The following GRM5 variants were observed in gnomAD, a reference collection of about 807,000 sequenced individuals.
GRM5 encodes metabotropic glutamate receptor 5.
Under a neutral mutation model 83.1 loss-of-function variants are expected in GRM5, and 19 were observed. The ratio of observed to expected loss-of-function variants is 0.23; its 90% CI spans 0.16 to 0.34. The LOEUF (loss-of-function observed/expected upper bound fraction) is 0.34, where lower values mean the gene tolerates loss of function less well. Among genes scored for constraint, GRM5 ranks in the 10% least tolerant of loss-of-function variants. The pLI is 1.00. For missense variants in GRM5, 1,160 were observed against 1,588.3 expected (o/e 0.73, Z 4.58); for synonymous variants, 675 against 633.6 (o/e 1.07, Z -0.98).
rs138348153 is a variant in GRM5 at position 88,664,607 on chromosome 11, C to T, written c.912-11204G>A. Among the ~76,000 whole-genome samples, 742 of 151,950 alleles carry T rather than the reference C, an allele frequency of 4.9e-3. 10 individuals are homozygous for T. The highest frequency in any genetic ancestry group is 0.017 in the African/African-American group (708 of 41,466). Reference sequence around the variant, plus strand: ...GACTACGGGTGTGCACCACCATGCCCGGCTAATTTTTGTATTTTTAGTTGT... The same window carrying T: ...GACTACGGGTGTGCACCACCATGCCTGGCTAATTTTTGTATTTTTAGTTGT... On this transcript the variant is annotated intron_variant, in intron 3 of 9. Coordinates refer to ENST00000305447, the MANE Select transcript of GRM5 (RefSeq NM_001143831.3).
At chr11:89,021,145 GA>G (rs1196536585) in intron 2 of GRM5, among the ~76,000 whole-genome samples, 3 of 151,760 alleles carry the variant, frequency 2.0e-5, no homozygotes, top group Non-Finnish European at 2.9e-5. Context: ...TGAAGCTAAT[GA>G]AAAAAAGAAC....
chr11:88,781,658 C>T (rs1382656213), intron 3 of GRM5, among the ~76,000 whole-genome samples: 1 of 152,198 alleles, frequency 6.6e-6, no homozygotes, highest in Non-Finnish European at 1.5e-5. Context: ...TTAGCTTGTT[C>T]TGCTGCTCTG....
intron 2 of GRM5, among the ~76,000 whole-genome samples, chr11:89,022,549 G>A (rs1381423407): frequency 1.3e-5 from 2 of 151,972 alleles, no homozygotes; most frequent in African/African-American, 2.4e-5. Context: ...CTACTCAGGA[G>A]GCAGAGGTAG....
chr11:88,662,122 T>C (rs1939922642), intron 3 of GRM5, among the ~76,000 whole-genome samples: 1 of 152,146 alleles, frequency 6.6e-6, no homozygotes, highest in Non-Finnish European at 1.5e-5. Context: ...ATTTCCACTG[T>C]ATGACTTTTT....
chr11:88,511,467 GTCTT>G (rs1941366833), intron 9 of GRM5, among the ~76,000 whole-genome samples: 1 of 152,178 alleles, frequency 6.6e-6, no homozygotes, highest in Admixed American at 6.5e-5. Flanking sequence ...CTACTTCATG[GTCTT>G]TCTTTCTCCG....
chr11:88,915,640 G>A (rs1487957302), intron 2 of GRM5, among the ~76,000 whole-genome samples: 3 of 152,030 alleles, frequency 2.0e-5, no homozygotes, highest in Non-Finnish European at 4.4e-5. Flanking sequence ...TAATACTTAT[G>A]TGACAGGCTT....
chr11:88,992,786 G>C (rs558830472), intron 2 of GRM5, among the ~76,000 whole-genome samples: 1 of 148,804 alleles, frequency 6.7e-6, no homozygotes, highest in African/African-American at 2.5e-5. Flanking sequence ...CAAGCACCAC[G>C]TGTTCTCACT....
chr11:88,516,804 T>A (rs1941532921), intron 9 of GRM5, among the ~76,000 whole-genome samples: 1 of 152,078 alleles, frequency 6.6e-6, no homozygotes, highest in Admixed American at 6.6e-5. Context: ...ATTCTTGGGA[T>A]GCTGAGCACT....
At chr11:88,727,347 T>C (rs1470856825) in intron 3 of GRM5, among the ~76,000 whole-genome samples, 1 of 152,158 alleles carries the variant, frequency 6.6e-6, no homozygotes, top group African/African-American at 2.4e-5. Flanking sequence ...CTATCCTAAA[T>C]ATATAAGCAC....
intron 2 of GRM5, among the ~76,000 whole-genome samples, chr11:89,023,164 T>TGTGTGC (rs1555063046): frequency 1.1e-4 from 16 of 151,028 alleles, no homozygotes; most frequent in African/African-American, 3.7e-4. Flanking sequence ...TGTGTGTGTG[T>TGTGTGC]GCGCGCGCGT....
At chr11:88,545,786 T>A (rs1332141321) in intron 8 of GRM5, among the ~76,000 whole-genome samples, 1 of 152,140 alleles carries the variant, frequency 6.6e-6, no homozygotes, top group Non-Finnish European at 1.5e-5. Flanking sequence ...TTTTATTCTA[T>A]CTACAGAAAC....
intron 2 of GRM5, among the ~76,000 whole-genome samples, chr11:88,881,786 A>T (rs2135573701): frequency 6.6e-6 from 1 of 152,324 alleles, no homozygotes; most frequent in Middle Eastern, 3.4e-3. Context: ...AGAAAAAAAA[A>T]TCCTTATTGT....
At chr11:88,527,172 T>G (rs1011557023) in intron 8 of GRM5, among the ~76,000 whole-genome samples, 1 of 152,198 alleles carries the variant, frequency 6.6e-6, no homozygotes, top group Non-Finnish European at 1.5e-5. Flanking sequence ...AAAATACTGC[T>G]CGACAGCTCA....
chr11:89,015,035 C>T (rs1940815224), intron 2 of GRM5, among the ~76,000 whole-genome samples: 1 of 152,156 alleles, frequency 6.6e-6, no homozygotes, highest in Non-Finnish European at 1.5e-5. Flanking sequence ...TCAATGAAAT[C>T]ATATGAAACA....
intron 2 of GRM5, among the ~76,000 whole-genome samples, chr11:88,992,373 G>A (rs1000567224): frequency 6.6e-6 from 1 of 151,906 alleles, no homozygotes; most frequent in African/African-American, 2.4e-5. Context: ...AACAGCAGGT[G>A]CTGGAGAGGA....
chr11:89,035,116 T>C (rs1475333850), intron 2 of GRM5, among the ~76,000 whole-genome samples: 1 of 151,756 alleles, frequency 6.6e-6, no homozygotes, highest in Non-Finnish European at 1.5e-5. Context: ...TAGAATTCAA[T>C]TTTATTACAA....
chr11:88,514,951 CAT>C (rs1223953869), intron 9 of GRM5, among the ~76,000 whole-genome samples: 1 of 152,156 alleles, frequency 6.6e-6, no homozygotes, highest in Non-Finnish European at 1.5e-5. Context: ...GCAGTGGTTA[CAT>C]GTTTCCACAA....
chr11:88,895,070 A>G (rs1413973384), intron 2 of GRM5, among the ~76,000 whole-genome samples: 6 of 152,006 alleles, frequency 3.9e-5, no homozygotes, highest in Non-Finnish European at 8.8e-5. Context: ...TATACATATT[A>G]CTGGAATTAA....
At chr11:88,916,666 A>C (rs1945597648) in intron 2 of GRM5, among the ~76,000 whole-genome samples, 1 of 151,750 alleles carries the variant, frequency 6.6e-6, no homozygotes, top group South Asian at 2.1e-4. Flanking sequence ...CATGTAACTC[A>C]GTAAGAAACC....
Sources: gnomAD v4.1 joint callset for allele counts (sites outside exome capture counted in the v4.1 genomes callset) on GRCh38, gnomAD v4.1.1 for gene constraint, MANE v1.5 for transcripts, NCBI Gene and HGNC (gene_info 2026-07-23, HGNC 2026-07-21) for gene names.